The following TMOD1 variants were observed in gnomAD, a reference collection of about 807,000 sequenced individuals.
TMOD1 encodes tropomodulin-1.
A neutral mutation model predicts 40.6 loss-of-function variants in TMOD1; 17 were observed. The ratio of observed to expected loss-of-function variants is 0.42; its 90% CI spans 0.29 to 0.63. TMOD1 has a LOEUF of 0.63. TMOD1 is among the 20% of genes least tolerant of loss of function. The probability of loss-of-function intolerance (pLI) is 0.22; values close to 1 mark genes in which losing one functional copy is unlikely to be tolerated. For synonymous variants in TMOD1, 181 were observed against 175.0 expected (o/e 1.03, Z -0.27); for missense variants, 391 against 447.6 (o/e 0.87, Z 1.14).
intron 8 of TMOD1, among the ~76,000 whole-genome samples, chr9:97,572,114 G>A (rs1177438058): frequency 2.6e-5 from 4 of 152,120 alleles, no homozygotes; most frequent in Non-Finnish European, 4.4e-5. Flanking sequence ...TTGCTTGGAG[G>A]AGGCAGATTT....
At chr9:97,580,939 C>G (rs960421507) in intron 8 of TMOD1, among the ~76,000 whole-genome samples, 8 of 98,012 alleles carry the variant, frequency 8.2e-5, no homozygotes, top group Admixed American at 3.0e-4. Context: ...CCATTTTGGA[C>G]TGGCTTTTTT....
rs1826245129 is a variant in TMOD1, at chr9:97,601,009, G to A, written c.*1311G>A. On this transcript the variant is annotated 3_prime_UTR_variant, in exon 10 of 10. Coordinates refer to ENST00000259365, the MANE Select transcript of TMOD1 (RefSeq NM_003275.4). Reference sequence around the variant, plus strand: ...GAACTCCAGAGCACTGAGCAGAGAGGCTGGTGATGAAAAGGTGAAGGCCTG... The same window carrying A: ...GAACTCCAGAGCACTGAGCAGAGAGACTGGTGATGAAAAGGTGAAGGCCTG... The A allele has an allele frequency of 7.8e-7, 1 of 1,289,086 alleles. No individual in the cohort carries two copies. Among genetic ancestry groups the A allele is most frequent in the Non-Finnish European group, 1.0e-6 (1 of 980,218 alleles). 79.9% of individuals were successfully genotyped at this position (1,289,086 alleles called of 1,614,324 possible). A position where few individuals can be genotyped will look rare whatever the true frequency, so the allele number is the denominator to read the frequency against.
chr9:97,591,484 C>T, intron 9 of TMOD1, 49 bp downstream of exon 9: 1 of 1,588,548 alleles, frequency 6.3e-7, no homozygotes, highest in Non-Finnish European at 8.6e-7. Context: ...GTTATTCCCT[C>T]CACCTGTGCT....
chr9:97,589,117 C>CAAAAAA (rs755141854), intron 8 of TMOD1, among the ~76,000 whole-genome samples: 1 of 67,482 alleles, frequency 1.5e-5, no homozygotes, highest in Non-Finnish European at 3.1e-5. Context: ...GACTCTGTCT[C>CAAAAAA]AAAAAAAAAA....
intron 2 of TMOD1, among the ~76,000 whole-genome samples, chr9:97,543,053 C>G (rs1830300948): frequency 6.6e-6 from 1 of 152,110 alleles, no homozygotes; most frequent in African/African-American, 2.4e-5. Context: ...GGTTGAGAAA[C>G]TCTGCTTTAA....
chr9:97,559,804 T>TCC (rs1563990663), intron 4 of TMOD1, among the ~76,000 whole-genome samples: 1 of 30,546 alleles, frequency 3.3e-5, no homozygotes, highest in Admixed American at 3.3e-4. Flanking sequence ...AATATATATA[T>TCC]ATATATATAT....
At chr9:97,560,510 G>A (rs921739918) in intron 4 of TMOD1, among the ~76,000 whole-genome samples, 2 of 152,022 alleles carry the variant, frequency 1.3e-5, no homozygotes, top group African/African-American at 2.4e-5. Flanking sequence ...TTGGCCGGGC[G>A]AGGTGGCTCA....
intron 8 of TMOD1, among the ~76,000 whole-genome samples, chr9:97,581,559 G>A (rs1445627407): frequency 2.0e-5 from 3 of 151,700 alleles, no homozygotes; most frequent in Non-Finnish European, 4.4e-5. Flanking sequence ...AGATCCCTGA[G>A]GAATCGCCAC....
At chr9:97,509,489 C>T (rs1270028558) in intron 1 of TMOD1, among the ~76,000 whole-genome samples, 1 of 148,424 alleles carries the variant, frequency 6.7e-6, no homozygotes, top group Admixed American at 6.7e-5. Context: ...GGTTTTTCTT[C>T]GCTAATAGAG....
chr9:97,519,654 C>T (rs1479133015), intron 1 of TMOD1, among the ~76,000 whole-genome samples: 3 of 152,130 alleles, frequency 2.0e-5, no homozygotes, highest in African/African-American at 7.2e-5. Context: ...GGGATTTGCC[C>T]AGGATTCCAA....
intron 4 of TMOD1, among the ~76,000 whole-genome samples, chr9:97,559,468 T>TAA (rs879654498): frequency 7.0e-6 from 1 of 143,602 alleles, no homozygotes; most frequent in African/African-American, 2.6e-5. Flanking sequence ...TGAGGAGGTT[T>TAA]AAAAAAAAAA....
intron 8 of TMOD1, among the ~76,000 whole-genome samples, chr9:97,584,148 A>C (rs1342741789): frequency 2.0e-5 from 3 of 151,396 alleles, no homozygotes; most frequent in African/African-American, 4.9e-5. Context: ...TAGTGCTATA[A>C]ATTTCCCTCT....
intron 8 of TMOD1, among the ~76,000 whole-genome samples, chr9:97,585,658 T>C (rs1015924215): frequency 1.1e-4 from 14 of 126,304 alleles, no homozygotes; most frequent in Admixed American, 3.3e-4. Context: ...GACGTAGATT[T>C]GGTCTTTTCA....
At chr9:97,553,928 C>A (rs868475321) in intron 4 of TMOD1, among the ~76,000 whole-genome samples, 12 of 152,174 alleles carry the variant, frequency 7.9e-5, no homozygotes, top group Non-Finnish European at 1.3e-4. Flanking sequence ...AAAAACTACC[C>A]CCAAAACTCC....
intron 8 of TMOD1, among the ~76,000 whole-genome samples, chr9:97,576,502 G>A (rs1587954215): frequency 1.3e-5 from 2 of 152,080 alleles, no homozygotes; most frequent in East Asian, 3.9e-4. Flanking sequence ...AAGGCAAGTT[G>A]CAGAACAGTA....
chr9:97,533,199 G>C (rs1830128825), intron 2 of TMOD1, among the ~76,000 whole-genome samples: 2 of 152,238 alleles, frequency 1.3e-5, no homozygotes, highest in Non-Finnish European at 2.9e-5. Flanking sequence ...TGGCCTGTAG[G>C]CCTCTCAGTT....
chr9:97,593,505 A>G (rs1826041096), intron 9 of TMOD1, among the ~76,000 whole-genome samples: 1 of 152,088 alleles, frequency 6.6e-6, no homozygotes, highest in African/African-American at 2.4e-5. Flanking sequence ...ACCAGCTGTT[A>G]GTGACAGCAA....
intron 1 of TMOD1, among the ~76,000 whole-genome samples, chr9:97,521,209 G>C (rs1284881221): frequency 6.6e-6 from 1 of 152,168 alleles, no homozygotes; most frequent in Non-Finnish European, 1.5e-5. Context: ...CAGTTTCTCA[G>C]AGACGTGCTT....
chr9:97,571,490 T>C (rs1536950), intron 8 of TMOD1, among the ~76,000 whole-genome samples: 36,018 of 152,182 alleles, frequency 0.24, 4,536 homozygotes, highest in Non-Finnish European at 0.27. Flanking sequence ...ACTGGGAAGG[T>C]GAACTAGGGG....
Sources: gnomAD v4.1 joint callset for allele counts (sites outside exome capture counted in the v4.1 genomes callset) on GRCh38, gnomAD v4.1.1 for gene constraint, MANE v1.5 for transcripts, NCBI Gene and HGNC (gene_info 2026-07-23, HGNC 2026-07-21) for gene names.